Variants in FXR2 observed in about 807,000 individuals in gnomAD.
FXR2 encodes the protein RNA-binding protein FXR2.
Under a neutral mutation model 87.3 loss-of-function variants are expected in FXR2, and 9 were observed. That is an observed-to-expected ratio of 0.10 (90% CI 0.06 to 0.18). The LOEUF (loss-of-function observed/expected upper bound fraction) is 0.18. FXR2 is among the 10% of genes least tolerant of loss of function. FXR2 has a pLI of 1.00. For synonymous variants in FXR2, 331 were observed against 328.3 expected, an observed-to-expected ratio of 1.01 and a Z score of -0.09; for missense variants, 661 against 893.6, an observed-to-expected ratio of 0.74 and a Z score of 3.32.
At position 7,592,765 on chromosome 17, in the gene FXR2, G is replaced by T; in HGVS notation, c.1658C>A (p.Thr553Asn). The T allele has an allele frequency of 6.2e-7, 1 of 1,612,728 alleles. No homozygotes were observed. Among genetic ancestry groups the T allele is most frequent in the Non-Finnish European group, 8.5e-7 (1 of 1,179,546 alleles). ...ATCCATGACGGTCCTGTCTTCATCA[G>T]TGCGGCGGCGGCGGGAGCGGCGGCG... Reference protein sequence around the residue: ...ARRRRSRRRRTDEDRTVMDGG... With the variant: ...ARRRRSRRRRNDEDRTVMDGG... The change falls in exon 14 of 17, where the codon ACT becomes AAT. Residue 553 changes from threonine to asparagine, a missense_variant. Physicochemically the swap from Thr to Asn is moderately conservative, Grantham distance 65. This residue lies in a region of FXR2 where 409 missense variants were observed against 432.0 expected (regional missense o/e 0.95). Transcript: ENST00000250113. This position sits in a 1 kb window ranked among gnomAD's most constrained non-coding sequence, Gnocchi z 4.8.
intron 1 of FXR2, among the ~76,000 whole-genome samples, chr17:7,610,505 A>G (rs1278704755): frequency 6.6e-6 from 1 of 152,170 alleles, no homozygotes; most frequent in Non-Finnish European, 1.5e-5. Flanking sequence ...CTCAGAATGG[A>G]GTAATCTCTC....
intron 7 of FXR2, among the ~76,000 whole-genome samples, chr17:7,597,467 A>T (rs569587107): frequency 1.3e-5 from 2 of 152,044 alleles, no homozygotes; most frequent in Non-Finnish European, 2.9e-5. Context: ...ATAAGCTTGC[A>T]GAACAGCTGG....
At position 7,592,193 on chromosome 17, in the gene FXR2, G is replaced by T; in HGVS notation, c.1926+61C>A. 1 of 1,526,538 alleles carries T rather than the reference G, an allele frequency of 6.6e-7. No individual in the cohort carries two copies. Among genetic ancestry groups the T allele is most frequent in the South Asian group, 1.2e-5 (1 of 85,264 alleles). 94.6% of individuals were successfully genotyped at this position (1,526,538 alleles called of 1,614,324 possible). On this transcript the variant is annotated intron_variant, in intron 16 of 16. Transcript: ENST00000250113. This position sits in a 1 kb window ranked among gnomAD's most constrained non-coding sequence, Gnocchi z 4.8. ...GTAGGAGATTTGTGAAATTTTTTGT[G>T]CCCCCTGCCCCAGAGTAACAACAAA...
At chr17:7,609,857 A>G (rs1391002806) in intron 1 of FXR2, among the ~76,000 whole-genome samples, 1 of 150,012 alleles carries the variant, frequency 6.7e-6, no homozygotes, top group African/African-American at 2.5e-5. Flanking sequence ...GCAAAACCCC[A>G]TTGCTACTAT....
chr17:7,591,607 G>T lies in FXR2; in HGVS notation c.*223C>A. 4 of 561,320 alleles carry T rather than the reference G, an allele frequency of 7.1e-6. No homozygotes were observed. In the East Asian group the frequency reaches 1.2e-4, roughly 17 times the overall value. The allele number at this position is 561,320 out of a possible 1,614,324, so 34.8% of individuals were successfully genotyped here. A position where few individuals can be genotyped will look rare whatever the true frequency, so the allele number is the denominator to read the frequency against. On this transcript the variant is annotated 3_prime_UTR_variant, in exon 17 of 17. Transcript: ENST00000250113. This position sits in a 1 kb window ranked among gnomAD's most constrained non-coding sequence, Gnocchi z 4.0. ...ACATCCAGTCTGATGGGGAAGGAGAGAGGCTCCCCTTACCCTGGGGGTAGG... is the reference window on the plus strand; with the variant it reads ...ACATCCAGTCTGATGGGGAAGGAGATAGGCTCCCCTTACCCTGGGGGTAGG...
rs1446608246 is a variant in FXR2, at chr17:7,593,608, G to A, written c.1125C>T (p.Arg375=). ...GCTCATCAATTTGTAGCCTCTCCAA[G>A]CGAAGCTGCTCTACCTCCTGGTTGG... ...LSYLQEVEQL[R]LERLQIDEQL... The change falls in exon 12 of 17, where the codon CGC becomes CGT. Residue 375 remains arginine (R), a synonymous_variant. Coordinates refer to ENST00000250113, the MANE Select transcript of FXR2 (RefSeq NM_004860.4). This position sits in a 1 kb window ranked among gnomAD's most constrained non-coding sequence, Gnocchi z 6.1. 2 of 1,589,046 alleles carry A rather than the reference G, an allele frequency of 1.3e-6. No individual in the cohort carries two copies. The highest frequency in any genetic ancestry group is 1.3e-5 in the African/African-American group (1 of 74,502).
Position 7,593,317 on chromosome 17 carries a change from CAG to C in FXR2, c.1330+84_1330+85del. ...AATCACTTTTTCATCATCTCCATTCCAGATTTCCCCAAACTTCCATCCAGACC... is the reference window on the plus strand; with the variant it reads ...AATCACTTTTTCATCATCTCCATTCCATTTCCCCAAACTTCCATCCAGACC... On this transcript the variant is annotated intron_variant, in intron 12 of 16. Transcript: ENST00000250113. This position sits in a 1 kb window ranked among gnomAD's most constrained non-coding sequence, Gnocchi z 6.1. 1 of 1,250,168 alleles carries C rather than the reference CAG, an allele frequency of 8.0e-7. No individual in the cohort carries two copies. Among genetic ancestry groups the C allele is most frequent in the Non-Finnish European group, 1.1e-6 (1 of 902,046 alleles). 77.4% of individuals were successfully genotyped at this position (1,250,168 alleles called of 1,614,324 possible). A position where few individuals can be genotyped will look rare whatever the true frequency, so the allele number is the denominator to read the frequency against.
chr17:7,614,462 GC>G lies in FXR2; in HGVS notation c.70del (p.Ala24ProfsTer7). 1 of 1,539,452 alleles carries G rather than the reference GC, an allele frequency of 6.5e-7. No homozygotes were observed. ...GGCGCGCCGTCTCACCTTGTAGAAG[GC>G]CCCGTTGGAGCCGCGCACCTCGACG... ...LPVEVRGSNGAFYKGFVKDVH... is the reference protein window; with the variant it reads ...LPVEVRGSNGXFYKGFVKDVH... On this transcript the variant is annotated frameshift_variant, in exon 1 of 17. Coordinates refer to ENST00000250113, the MANE Select transcript of FXR2 (RefSeq NM_004860.4). LOFTEE classifies it high-confidence loss of function.
rs751897191 is a variant in FXR2, at chr17:7,591,821, T to C, written c.*9A>G. On this transcript the variant is annotated 3_prime_UTR_variant, in exon 17 of 17. Transcript: ENST00000250113. The surrounding 1 kb of genome is among the most constrained non-coding windows in gnomAD (Gnocchi z 4.0). ...GAGATGGAGAAGGGAGGGGTGCAGGTTGGAGGTTTTATGAAACCCCATTCA... is the reference window on the plus strand; with the variant it reads ...GAGATGGAGAAGGGAGGGGTGCAGGCTGGAGGTTTTATGAAACCCCATTCA... 7.8e-6 allele frequency: 11 copies of C among 1,417,188 alleles called. No homozygotes were observed. In the East Asian group the frequency reaches 1.8e-4, roughly 23 times the overall value. 87.8% of individuals were successfully genotyped at this position (1,417,188 alleles called of 1,614,324 possible). A position where few individuals can be genotyped will look rare whatever the true frequency, so the allele number is the denominator to read the frequency against.
intron 6 of FXR2, among the ~76,000 whole-genome samples, chr17:7,602,205 C>T (rs186206085): frequency 6.3e-4 from 96 of 151,490 alleles, no homozygotes; most frequent in Non-Finnish European, 7.4e-4. Context: ...GGGCGGATCA[C>T]GACGTCAGGA....
chr17:7,612,320 T>C (rs1203409799), intron 1 of FXR2, among the ~76,000 whole-genome samples: 2 of 152,160 alleles, frequency 1.3e-5, no homozygotes, highest in Non-Finnish European at 2.9e-5. Flanking sequence ...AGGGCCACTT[T>C]AGGAAGCTAT....
chr17:7,598,389 A>T (rs1055568463), intron 7 of FXR2, among the ~76,000 whole-genome samples: 1 of 152,218 alleles, frequency 6.6e-6, no homozygotes, highest in African/African-American at 2.4e-5. Context: ...TGGGAGGTGG[A>T]GCTTGCAGTG....
intron 1 of FXR2, among the ~76,000 whole-genome samples, chr17:7,612,519 T>C (rs1028661607): frequency 2.0e-5 from 3 of 152,130 alleles, no homozygotes; most frequent in African/African-American, 7.2e-5. Context: ...GGGAGCTTCC[T>C]TCAGCTAGAC....
In FXR2 at chr17:7,594,754, G is replaced by A; in HGVS notation, c.835C>T (p.Pro279Ser). Residue 279 changes from proline to serine, a missense_variant, in exon 9 of 17, where the codon CCC becomes TCC. Physicochemically the swap from Pro to Ser is moderately conservative, Grantham distance 74. Transcript: ENST00000250113. This position sits in a 1 kb window ranked among gnomAD's most constrained non-coding sequence, Gnocchi z 5.1. ...CTTCGGGCCTGTCGGCAAGCCTCGG[G>A]AGTCTAAAGGAAGAACAGCAGGGAG... The part of the protein sequence containing the change: ...TCTFRIYGET[P>S]EACRQARSYL... 1.2e-6 allele frequency: 2 copies of A among 1,602,756 alleles called. No individual in the cohort carries two copies. The highest frequency in any genetic ancestry group is 1.1e-5 in the South Asian group (1 of 90,854).
At chr17:7,612,573 T>A (rs1020424655) in intron 1 of FXR2, among the ~76,000 whole-genome samples, 7 of 151,716 alleles carry the variant, frequency 4.6e-5, no homozygotes, top group African/African-American at 1.5e-4. Flanking sequence ...AATACAGAAA[T>A]ATTAGGAGAA....
rs774494281 is a variant in FXR2 at position 7,592,251 on chromosome 17, T to C, written c.1926+3A>G. ...TGGGGTAAAGCACATCTTGCCTGCC[T>C]ACCTTCTGTCCTGAAAGAGAGTCTT... On this transcript the variant is annotated splice_donor_region_variant and intron_variant, in intron 16 of 16. Transcript: ENST00000250113. This position sits in a 1 kb window ranked among gnomAD's most constrained non-coding sequence, Gnocchi z 4.8. The C allele has an allele frequency of 1.1e-5, 18 of 1,604,808 alleles. No individual in the cohort carries two copies. In the African/African-American group the frequency reaches 1.3e-4, roughly 12 times the overall value.
chr17:7,604,025 C>T lies in FXR2; in HGVS notation c.284G>A (p.Arg95Gln), dbSNP rs1196022682. ...EPCGWWLARVRMMKGDFYVIE... is the reference protein window; with the variant it reads ...EPCGWWLARVQMMKGDFYVIE... ...GTCACTCACATCTCCCTTCATCATC[C>T]GCACCCGGGCCAGCCACCAGCCACA... The change falls in exon 4 of 17, where the codon CGG becomes CAG. Residue 95 changes from arginine (R) to glutamine (Q), a missense_variant. Arg to Gln is a conservative substitution (Grantham distance 43, BLOSUM62 1). Coordinates refer to ENST00000250113, the MANE Select transcript of FXR2 (RefSeq NM_004860.4). The T allele has an allele frequency of 4.4e-6, 7 of 1,588,390 alleles. No individual in the cohort carries two copies. Among genetic ancestry groups the T allele is most frequent in the Non-Finnish European group, 6.0e-6 (7 of 1,168,594 alleles).
At chr17:7,614,160 A>G in intron 1 of FXR2, 1 of 631,936 alleles carries the variant, frequency 1.6e-6, no homozygotes, top group Admixed American at 2.1e-5. Context: ...AGCTGGGTAA[A>G]GGGGTCTCTC....
In FXR2 at chr17:7,593,053, C is replaced by T; in HGVS notation, c.1459G>A (p.Gly487Ser). 6.3e-7 allele frequency: 1 copy of T among 1,584,156 alleles called. No homozygotes were observed. Among genetic ancestry groups the T allele is most frequent in the Non-Finnish European group, 8.6e-7 (1 of 1,167,988 alleles). ...GEESRRRPTG[G>S]RGRGPPPAPR... ...GCAGGTGGGGGTCCCCTACCCCGGC[C>T]CCCAGTCGGCCGCCTCCGGCTTTCT... The change falls in exon 13 of 17, where the codon GGC becomes AGC. Residue 487 changes from glycine to serine, a missense_variant. By Grantham distance (56) the Gly-to-Ser change is moderately conservative (BLOSUM62 0). This residue lies in a region of FXR2 where 409 missense variants were observed against 432.0 expected (regional missense o/e 0.95). Transcript: ENST00000250113. The surrounding 1 kb of genome is among the most constrained non-coding windows in gnomAD (Gnocchi z 6.1).
Sources: gnomAD v4.1 joint callset for allele counts (sites outside exome capture counted in the v4.1 genomes callset) on GRCh38, gnomAD v4.1.1 for gene constraint, gnomAD v4.1.1 regional missense constraint, Gnocchi (gnomAD v3.1) non-coding constraint, MANE v1.5 for transcripts, NCBI Gene and HGNC (gene_info 2026-07-23, HGNC 2026-07-21) for gene names.